PRKCB: variants seen among roughly 807,000 people sequenced by gnomAD.
PRKCB encodes protein kinase C beta, also known as protein kinase C beta type.
Under a neutral mutation model 81.5 loss-of-function variants are expected in PRKCB, and 13 were observed. The ratio of observed to expected loss-of-function variants is 0.16; its 90% CI spans 0.10 to 0.25. PRKCB has a LOEUF of 0.25. Ranked by LOEUF, PRKCB falls within the 10% of genes least tolerant of loss-of-function variation. The pLI, the probability that PRKCB is intolerant of heterozygous loss-of-function variation, is 1.00. For missense variants in PRKCB, 509 were observed against 875.7 expected (o/e 0.58, Z 5.29); for synonymous variants, 335 against 321.4 (o/e 1.04, Z -0.45).
intron 8 of PRKCB, among the ~76,000 whole-genome samples, chr16:24,115,984 C>CA (rs11392718): frequency 0.044 from 6,687 of 151,948 alleles, 476 homozygotes; most frequent in African/African-American, 0.15. Flanking sequence ...CTCGGCCTCC[C>CA]AAGTGCTGGG....
At position 24,164,992 on chromosome 16, in the gene PRKCB, A is replaced by G. The variant is rs972716148; in HGVS notation, c.1240-7278A>G. The stretch of plus-strand genomic sequence containing the variant: ...TAGTTAGCCGAAGCCCCCATAGTTC[A>G]CTCTTTATGCCTCTCATGCACTTTC... On this transcript the variant is annotated intron_variant, in intron 10 of 16. Transcript: ENST00000643927. 1.8e-4 allele frequency among the ~76,000 whole-genome samples: 28 copies of G among 151,900 alleles called. 1 individual carries two copies. Among genetic ancestry groups the G allele is most frequent in the African/African-American group, 6.5e-4 (27 of 41,368 alleles).
At chr16:23,933,577 T>C (rs539866616) in intron 2 of PRKCB, among the ~76,000 whole-genome samples, 1 of 152,278 alleles carries the variant, frequency 6.6e-6, no homozygotes, top group African/African-American at 2.4e-5. Flanking sequence ...AGACCTTCAA[T>C]TATTATATTA....
intron 7 of PRKCB, 114 bp downstream of exon 7, chr16:24,094,411 G>C: frequency 7.3e-7 from 1 of 1,377,466 alleles, no homozygotes; most frequent in Non-Finnish European, 9.9e-7. Context: ...GTCCCAAAGT[G>C]AAGTCTGGTT....
intron 5 of PRKCB, among the ~76,000 whole-genome samples, chr16:24,071,040 G>C (rs1185248135): frequency 1.3e-5 from 2 of 152,064 alleles, no homozygotes; most frequent in Non-Finnish European, 2.9e-5. Flanking sequence ...CTGGACAAAG[G>C]GTAGTTAGTA....
intron 7 of PRKCB, among the ~76,000 whole-genome samples, chr16:24,107,763 C>A (rs1354808321): frequency 3.3e-5 from 5 of 152,146 alleles, no homozygotes; most frequent in Non-Finnish European, 7.4e-5. Context: ...GAATGGGAAT[C>A]GGCAACCCTC....
At chr16:24,071,658 C>T (rs912322323) in intron 5 of PRKCB, among the ~76,000 whole-genome samples, 1 of 151,954 alleles carries the variant, frequency 6.6e-6, no homozygotes, top group Non-Finnish European at 1.5e-5. Flanking sequence ...CCGCTCTGCA[C>T]ATGTCTCTGG....
intron 3 of PRKCB, among the ~76,000 whole-genome samples, chr16:24,020,971 T>C (rs1965350727): frequency 9.8e-6 from 1 of 101,890 alleles, no homozygotes; most frequent in Non-Finnish European, 2.0e-5. Flanking sequence ...GAGAGAGACT[T>C]TTCTTTTTCT....
chr16:23,837,770 T>C (rs560055678), intron 2 of PRKCB, among the ~76,000 whole-genome samples: 47 of 152,336 alleles, frequency 3.1e-4, no homozygotes, highest in African/African-American at 8.4e-4. Context: ...TCTCTGCCCA[T>C]GTCCCTTCCT....
rs148071294 is a variant in PRKCB at position 24,186,239 on chromosome 16, G to A, written c.1722+672G>A. 4.6e-5 allele frequency among the ~76,000 whole-genome samples: 7 copies of A among 152,270 alleles called. No individual in the cohort carries two copies. The East Asian group carries it at 1.4e-3, about 29-fold the overall frequency. The stretch of plus-strand genomic sequence containing the variant: ...AGGGCATACTCACAGTGACTTCTGT[G>A]AGATCCTAAAGATCAGCGACCCTCA... On this transcript the variant is annotated intron_variant, in intron 15 of 16. Transcript: ENST00000643927.
At position 24,058,529 on chromosome 16, in the gene PRKCB, G is replaced by A. The variant is rs528198609; in HGVS notation, c.529+22982G>A. Among the ~76,000 whole-genome samples, 87 of 152,220 alleles carry A rather than the reference G, an allele frequency of 5.7e-4. 1 individual carries two copies. The highest frequency in any genetic ancestry group is 1.9e-3 in the African/African-American group (78 of 41,538). On this transcript the variant is annotated intron_variant, in intron 5 of 16. Transcript: ENST00000643927. ...CTTCATGCCCTGTGAAGGTGCCTTA[G>A]GTTTCTGGTGTGTTTGGACCATAGA...
intron 7 of PRKCB, among the ~76,000 whole-genome samples, chr16:24,109,355 C>T (rs188536636): frequency 1.5e-4 from 12 of 82,670 alleles, no homozygotes; most frequent in Admixed American, 2.3e-4. Flanking sequence ...CCAGACGGGG[C>T]GGCTGCTAGG....
At chr16:24,162,750 A>C (rs976816252) in intron 10 of PRKCB, among the ~76,000 whole-genome samples, 1 of 152,106 alleles carries the variant, frequency 6.6e-6, no homozygotes, top group African/African-American at 2.4e-5. Context: ...CACCGCGCCC[A>C]GCCTGGAGAG....
chr16:23,839,279 C>CTTTTTTTTT, intron 2 of PRKCB, among the ~76,000 whole-genome samples: 1 of 137,130 alleles, frequency 7.3e-6, no homozygotes, highest in African/African-American at 2.7e-5. Context: ...ATAGGAGTGT[C>CTTTTTTTTT]TTTTTTTTTT....
At chr16:23,918,193 A>G (rs1489767467) in intron 2 of PRKCB, among the ~76,000 whole-genome samples, 1 of 152,074 alleles carries the variant, frequency 6.6e-6, no homozygotes, top group East Asian at 1.9e-4. Context: ...ACAAAGATGT[A>G]AAGCAAAACT....
chr16:24,094,492 C>G (rs7201391), intron 7 of PRKCB, among the ~76,000 whole-genome samples, 195 bp downstream of exon 7: 7,959 of 152,238 alleles, frequency 0.052, 256 homozygotes, highest in East Asian at 0.11. Flanking sequence ...GAGGCCAGGC[C>G]TCGTGTCTGA....
chr16:24,194,066 CCCG>C (rs1967839901), intron 16 of PRKCB, among the ~76,000 whole-genome samples: 1 of 152,146 alleles, frequency 6.6e-6, no homozygotes, highest in East Asian at 1.9e-4. Context: ...GTGGCTCACA[CCCG>C]TAATCCCAGC....
At chr16:24,211,430 A>G (rs1446168048) in intron 16 of PRKCB, among the ~76,000 whole-genome samples, 1 of 152,180 alleles carries the variant, frequency 6.6e-6, no homozygotes, top group East Asian at 1.9e-4. Context: ...TCACAACCCC[A>G]GTGTGATAGG....
At chr16:24,033,401 C>T (rs987953319) in intron 4 of PRKCB, among the ~76,000 whole-genome samples, 6 of 151,972 alleles carry the variant, frequency 3.9e-5, no homozygotes, top group Non-Finnish European at 2.9e-5. Context: ...GAATGTGGGG[C>T]GTGGAAGCTA....
chr16:24,030,917 A>G (rs896639737), intron 3 of PRKCB, among the ~76,000 whole-genome samples: 1 of 146,814 alleles, frequency 6.8e-6, no homozygotes, highest in Non-Finnish European at 1.5e-5. Context: ...AAAAAAGATC[A>G]GCTCAGCATA....
Sources: gnomAD v4.1 joint callset for allele counts (sites outside exome capture counted in the v4.1 genomes callset) on GRCh38, gnomAD v4.1.1 for gene constraint, MANE v1.5 for transcripts, NCBI Gene and HGNC (gene_info 2026-07-23, HGNC 2026-07-21) for gene names.